The following FBN2 variants were observed in gnomAD, a reference collection of about 807,000 sequenced individuals.
FBN2 encodes the protein fibrillin-2.
A neutral mutation model predicts 355.6 loss-of-function variants in FBN2; 105 were observed. The ratio of observed to expected loss-of-function variants is 0.30; its 90% CI spans 0.25 to 0.35. The LOEUF (loss-of-function observed/expected upper bound fraction) is 0.35, where lower values mean the gene tolerates loss of function less well. Among genes scored for constraint, FBN2 ranks in the 10% least tolerant of loss-of-function variants. The pLI is 1.00. For synonymous variants in FBN2, 1,350 were observed against 1,301.2 expected (o/e 1.04, Z -0.81); for missense variants, 3,280 against 3,758.7 (o/e 0.87, Z 3.33).
chr5:128,483,569 C>G (rs1245320988), intron 5 of FBN2, among the ~76,000 whole-genome samples: 1 of 151,858 alleles, frequency 6.6e-6, no homozygotes, highest in Non-Finnish European at 1.5e-5. Flanking sequence ...TTTGGGGCAG[C>G]AGACTCAGGA....
chr5:128,304,806 G>T, intron 45 of FBN2, 151 bp downstream of exon 45: 1 of 978,734 alleles, frequency 1.0e-6, no homozygotes. Context: ...ATTTTATATT[G>T]AATCAAGACT....
At position 128,502,391 on chromosome 5, in the gene FBN2, C is replaced by T. The variant is rs145894214; in HGVS notation, c.628+16882G>A. ...ATCAGGCTAGAGTCAGACTTCTCCA[C>T]AACACATTCAATGTCAGAAGATAAT... On this transcript the variant is annotated intron_variant, in intron 5 of 64. Coordinates refer to ENST00000262464, the MANE Select transcript of FBN2 (RefSeq NM_001999.4). Among the ~76,000 whole-genome samples the T allele has an allele frequency of 6.3e-3, 964 of 152,040 alleles. 11 individuals carry two copies. Among genetic ancestry groups the T allele is most frequent in the African/African-American group, 0.021 (880 of 41,492 alleles).
chr5:128,351,869 C>CT (rs554504775), intron 20 of FBN2, among the ~76,000 whole-genome samples: 11,530 of 146,382 alleles, frequency 0.079, 647 homozygotes, highest in Admixed American at 0.18. Flanking sequence ...CCCCGCCCTT[C>CT]TTTTTTTTTT....
Position 128,292,942 on chromosome 5 carries a change from G to A in FBN2, c.6167-1288C>T, listed in dbSNP as rs10043227. 2.6e-5 allele frequency among the ~76,000 whole-genome samples: 4 copies of A among 152,182 alleles called. No homozygotes were observed. The South Asian group carries it at 6.2e-4, about 24-fold the overall frequency. On this transcript the variant is annotated intron_variant, in intron 48 of 64. Coordinates refer to ENST00000262464, the MANE Select transcript of FBN2 (RefSeq NM_001999.4). ...AATGTCTGTCACATTGTATTATAAGGATGTCTTCACAAAACAGGTTTATTT... is the reference window on the plus strand; with the variant it reads ...AATGTCTGTCACATTGTATTATAAGAATGTCTTCACAAAACAGGTTTATTT...
At chr5:128,531,738 A>ATG (rs1412249434) in intron 2 of FBN2, among the ~76,000 whole-genome samples, 2 of 150,328 alleles carry the variant, frequency 1.3e-5, no homozygotes, top group African/African-American at 4.9e-5. Context: ...ATATATATAT[A>ATG]TATACACACA....
intron 20 of FBN2, among the ~76,000 whole-genome samples, chr5:128,353,001 C>T (rs1267446962): frequency 6.6e-6 from 1 of 151,886 alleles, no homozygotes; most frequent in Non-Finnish European, 1.5e-5. Context: ...GGTGAAACCC[C>T]GTCTCTACAA....
intron 55 of FBN2, among the ~76,000 whole-genome samples, chr5:128,281,049 T>A (rs1198135640): frequency 2.0e-5 from 3 of 152,330 alleles, no homozygotes; most frequent in South Asian, 2.1e-4. Flanking sequence ...TTAAAATTTT[T>A]AAAAATTTAC....
At chr5:128,488,441 T>A (rs2127121233) in intron 5 of FBN2, among the ~76,000 whole-genome samples, 1 of 152,300 alleles carries the variant, frequency 6.6e-6, no homozygotes. Flanking sequence ...ACCTTTTAGA[T>A]AAGGCAAAAT....
At chr5:128,415,875 C>A (rs1227051482) in intron 7 of FBN2, among the ~76,000 whole-genome samples, 1 of 152,092 alleles carries the variant, frequency 6.6e-6, no homozygotes, top group East Asian at 1.9e-4. Flanking sequence ...TATTTTCTGT[C>A]TTTTTAATAA....
intron 48 of FBN2, among the ~76,000 whole-genome samples, chr5:128,293,578 T>A (rs547714185): frequency 6.6e-6 from 1 of 152,142 alleles, no homozygotes; most frequent in Non-Finnish European, 1.5e-5. Flanking sequence ...AAACGAAATA[T>A]TTCTGAAACT....
At chr5:128,449,911 G>A (rs114965323) in intron 6 of FBN2, among the ~76,000 whole-genome samples, 1,841 of 152,070 alleles carry the variant, frequency 0.012, 47 homozygotes, top group African/African-American at 0.043. Flanking sequence ...TACTCATCAC[G>A]ACAAGTAATA....
intron 2 of FBN2, among the ~76,000 whole-genome samples, chr5:128,532,159 C>T (rs180896650): frequency 6.6e-6 from 1 of 152,150 alleles, no homozygotes; most frequent in East Asian, 1.9e-4. Context: ...TCTGACCTAC[C>T]CTGTGATCAA....
At chr5:128,307,053 C>A in intron 42 of FBN2, 82 bp downstream of exon 42, 2 of 919,464 alleles carry the variant, frequency 2.2e-6, no homozygotes, top group Admixed American at 1.7e-5. Context: ...TTGTGGTACT[C>A]TTGAATTTTA....
Position 128,341,548 on chromosome 5 carries a change from C to T in FBN2, c.3344-2487G>A, listed in dbSNP as rs560566518. ...CCACTATTCTAAGAGGACCTCTTCC[C>T]CCATTCCCTGGGCAGCTGTATCCCA... is the stretch of plus-strand genomic sequence containing the variant. On this transcript the variant is annotated intron_variant, in intron 25 of 64. Coordinates refer to ENST00000262464, the MANE Select transcript of FBN2 (RefSeq NM_001999.4). 2.6e-5 allele frequency among the ~76,000 whole-genome samples: 4 copies of T among 152,320 alleles called. No individual in the cohort carries two copies. The East Asian group carries it at 5.8e-4, about 22-fold the overall frequency.
chr5:128,262,282 C>T (rs146263403), intron 63 of FBN2, among the ~76,000 whole-genome samples: 14 of 152,280 alleles, frequency 9.2e-5, no homozygotes, highest in African/African-American at 3.4e-4. Context: ...TGGTCTCCAA[C>T]TTCTGCCTTC....
intron 5 of FBN2, among the ~76,000 whole-genome samples, chr5:128,517,298 G>C (rs1262044824): frequency 6.6e-6 from 1 of 152,104 alleles, no homozygotes; most frequent in Non-Finnish European, 1.5e-5. Context: ...AAGTTTACCT[G>C]ACTCCCAGAA....
chr5:128,298,832 C>A (rs1749617726), intron 48 of FBN2, among the ~76,000 whole-genome samples: 1 of 152,232 alleles, frequency 6.6e-6, no homozygotes, highest in Admixed American at 6.5e-5. Context: ...CTTCTTCTCT[C>A]AGCTCGTCAA....
intron 5 of FBN2, among the ~76,000 whole-genome samples, chr5:128,510,592 A>G (rs1756086621): frequency 6.6e-6 from 1 of 152,230 alleles, no homozygotes; most frequent in South Asian, 2.1e-4. Context: ...TAAACACAGA[A>G]GTCTGAATTT....
chr5:128,531,595 C>T (rs750311360), intron 2 of FBN2, among the ~76,000 whole-genome samples: 4 of 151,796 alleles, frequency 2.6e-5, no homozygotes, highest in Non-Finnish European at 4.4e-5. Context: ...TGTAAGTAAA[C>T]GTTACAGAAT....
Sources: allele counts gnomAD v4.1 joint callset (sites outside exome capture counted in the v4.1 genomes callset), GRCh38; gene constraint gnomAD v4.1.1; transcripts MANE v1.5; gene names NCBI Gene and HGNC (gene_info 2026-07-23, HGNC 2026-07-21).